The following DIP2A variants were observed in gnomAD, a reference collection of about 807,000 sequenced individuals.
DIP2A encodes the protein DIP2 acetate--CoA ligase A.
A neutral mutation model predicts 177.4 loss-of-function variants in DIP2A; 85 were observed. The ratio of observed to expected loss-of-function variants is 0.48; its 90% CI spans 0.40 to 0.57. The LOEUF (loss-of-function observed/expected upper bound fraction) is 0.57. Ranked by LOEUF, DIP2A falls within the 20% of genes least tolerant of loss-of-function variation. The pLI, the probability that DIP2A is intolerant of heterozygous loss-of-function variation, is 0.00. For missense variants in DIP2A, 1,791 were observed against 2,100.2 expected (o/e 0.85, Z 2.88); for synonymous variants, 886 against 881.8 (o/e 1.00, Z -0.08).
downstream of DIP2A, among the ~76,000 whole-genome samples, chr21:46,572,586 G>C (rs1035348583): frequency 4.6e-5 from 7 of 152,162 alleles, no homozygotes; most frequent in African/African-American, 1.4e-4. Flanking sequence ...ATGAAGACCT[G>C]AGCTAGCATG....
intron 32 of DIP2A, among the ~76,000 whole-genome samples, chr21:46,560,513 A>G (rs1362265554): frequency 2.0e-5 from 3 of 152,228 alleles, no homozygotes; most frequent in South Asian, 2.1e-4. Context: ...TTCGCTCAAT[A>G]TTATCAAGCT....
At chr21:46,508,253 G>A (rs532205101) in intron 6 of DIP2A, among the ~76,000 whole-genome samples, 1 of 151,012 alleles carries the variant, frequency 6.6e-6, no homozygotes, top group South Asian at 2.1e-4. Flanking sequence ...TGTTGACCAG[G>A]CTAGTCTTAA....
At position 46,504,410 on chromosome 21, in the gene DIP2A, G is replaced by A. The variant is rs964577238; in HGVS notation, c.705G>A (p.Ser235=). The change falls in exon 6 of 38, where the codon TCG becomes TCA. Residue 235 remains serine (S), a synonymous_variant. Transcript: ENST00000417564. ...TCACCACGGGCCTCGTGGAGCATTCGTACTTTGAGCGTCCACAGGTGGCTT... is the reference window on the plus strand; with the variant it reads ...TCACCACGGGCCTCGTGGAGCATTCATACTTTGAGCGTCCACAGGTGGCTT... ...PDVTTGLVEH[S]YFERPQVASV... The A allele has an allele frequency of 1.2e-5, 20 of 1,613,710 alleles. No individual in the cohort carries two copies. Among genetic ancestry groups the A allele is most frequent in the Non-Finnish European group, 1.5e-5 (18 of 1,179,846 alleles).
intron 8 of DIP2A, among the ~76,000 whole-genome samples, chr21:46,522,589 C>T (rs371009431): frequency 2.0e-4 from 30 of 152,200 alleles, no homozygotes; most frequent in African/African-American, 7.2e-4. Flanking sequence ...GCATGCTTCT[C>T]TGATCCAAAC....
intron 8 of DIP2A, 146 bp downstream of exon 8, chr21:46,511,760 C>T (rs1412547950): frequency 1.3e-5 from 11 of 852,748 alleles, no homozygotes; most frequent in Middle Eastern, 3.7e-4. Flanking sequence ...ATACCAGGTA[C>T]CCATCCCACC....
chr21:46,459,265 C>G, intron 1 of DIP2A, 43 bp downstream of exon 1: 2 of 1,468,540 alleles, frequency 1.4e-6, no homozygotes, highest in Non-Finnish European at 1.8e-6. Flanking sequence ...CCGCCCTCAG[C>G]CCGGTCCCCC....
Position 46,511,521 on chromosome 21 carries a change from G to A in DIP2A, c.1009G>A (p.Ala337Thr). 1 of 1,612,354 alleles carries A rather than the reference G, an allele frequency of 6.2e-7. No individual in the cohort carries two copies. The highest frequency in any genetic ancestry group is 8.5e-7 in the Non-Finnish European group (1 of 1,179,294). ...AGVPRPPSLL[A>T]TLQRWGTTQP... ...TGTCCCCCGACCGCCGTCGCTGTTG[G>A]CCACCTTGCAGCGCTGGGGCACAAC... is the stretch of plus-strand genomic sequence containing the variant. The change falls in exon 8 of 38, where the codon GCC becomes ACC. Residue 337 changes from alanine to threonine, a missense_variant. Ala to Thr is a moderately conservative substitution (Grantham distance 58, BLOSUM62 0). Transcript: ENST00000417564.
rs1434382865 is a variant in DIP2A, at chr21:46,509,451, T to G, written c.904+75T>G. 1.4e-5 allele frequency: 21 copies of G among 1,527,142 alleles called. No individual in the cohort carries two copies. In the East Asian group the frequency reaches 4.8e-4, roughly 35 times the overall value. 94.6% of individuals were successfully genotyped at this position (1,527,142 alleles called of 1,614,324 possible). A position where few individuals can be genotyped will look rare whatever the true frequency, so the allele number is the denominator to read the frequency against. On this transcript the variant is annotated intron_variant, in intron 7 of 37. Coordinates refer to ENST00000417564, the MANE Select transcript of DIP2A (RefSeq NM_015151.4). ...CACGAAGTTGAGAAACACAGGCAAA[T>G]GTATATTATACATGGATATTGCTAT... is the stretch of plus-strand genomic sequence containing the variant.
chr21:46,498,808 A>G lies in DIP2A; in HGVS notation c.630A>G (p.Ala210=), dbSNP rs752651927. Residue 210 remains alanine, a synonymous_variant, in exon 5 of 38, where the codon GCA becomes GCG. Coordinates refer to ENST00000417564, the MANE Select transcript of DIP2A (RefSeq NM_015151.4). The surrounding 1 kb of genome is among the most constrained non-coding windows in gnomAD (Gnocchi z 4.3). ...TPGAAATTAL[A]GLEAHTHIDL... is the part of the protein sequence containing the mutation. ...GGGCCGCCGCTACCACTGCACTCGCAGGCCTCGAGGCCCACACCCACATAG... is the reference window on the plus strand; with the variant it reads ...GGGCCGCCGCTACCACTGCACTCGCGGGCCTCGAGGCCCACACCCACATAG... 9.9e-6 allele frequency: 16 copies of G among 1,613,446 alleles called. No individual in the cohort carries two copies. Among genetic ancestry groups the G allele is most frequent in the Admixed American group, 3.3e-5 (2 of 59,976 alleles).
Position 46,563,450 on chromosome 21 carries a change from G to T in DIP2A, c.4090-408G>T, listed in dbSNP as rs952100508. The stretch of plus-strand genomic sequence containing the variant: ...TGGACTGACTCGGAGTCACGGGCAG[G>T]AAGAACTTCCTCATGGTCAGGTTCC... On this transcript the variant is annotated intron_variant, in intron 34 of 37. Coordinates refer to ENST00000417564, the MANE Select transcript of DIP2A (RefSeq NM_015151.4). The surrounding 1 kb of genome is among the most constrained non-coding windows in gnomAD (Gnocchi z 4.3). 6.6e-6 allele frequency among the ~76,000 whole-genome samples: 1 copy of T among 152,184 alleles called. No homozygotes were observed. The highest frequency in any genetic ancestry group is 2.4e-5 in the African/African-American group (1 of 41,450).
At chr21:46,461,695 A>G (rs1013498458) in intron 1 of DIP2A, among the ~76,000 whole-genome samples, 12 of 152,232 alleles carry the variant, frequency 7.9e-5, no homozygotes. Flanking sequence ...ATAGGTAAGT[A>G]AAGGTATAAG....
At position 46,549,954 on chromosome 21, in the gene DIP2A, G is replaced by A. The variant is rs542200717; in HGVS notation, c.2637+69G>A. ...CTGGCACCCCCACTCCACTCCAAGTGCCAAGTGGTTGGCTTGTCCCGCCCG... is the reference window on the plus strand; with the variant it reads ...CTGGCACCCCCACTCCACTCCAAGTACCAAGTGGTTGGCTTGTCCCGCCCG... On this transcript the variant is annotated intron_variant, in intron 22 of 37. Transcript: ENST00000417564. The A allele has an allele frequency of 2.5e-6, 4 of 1,594,780 alleles. No individual in the cohort carries two copies. The African/African-American group carries it at 4.0e-5, about 16-fold the overall frequency.
At chr21:46,471,959 A>G (rs1250408406) in intron 1 of DIP2A, among the ~76,000 whole-genome samples, 1 of 152,274 alleles carries the variant, frequency 6.6e-6, no homozygotes, top group Non-Finnish European at 1.5e-5. Flanking sequence ...TTCAGATTTT[A>G]GAACTTTTTC....
chr21:46,486,591 A>C (rs1372267261), intron 2 of DIP2A, among the ~76,000 whole-genome samples: 1 of 152,248 alleles, frequency 6.6e-6, no homozygotes, highest in Non-Finnish European at 1.5e-5. Context: ...AGGTTATTTC[A>C]TAAGAGGAAA....
chr21:46,520,205 T>C (rs1457105473), intron 8 of DIP2A, among the ~76,000 whole-genome samples: 1 of 152,174 alleles, frequency 6.6e-6, no homozygotes, highest in Non-Finnish European at 1.5e-5. Flanking sequence ...CCATCTCTCT[T>C]GTTTCTCTCT....
At position 46,558,265 on chromosome 21, in the gene DIP2A, G is replaced by T; in HGVS notation, c.3841G>T (p.Val1281Phe). 1 of 1,612,784 alleles carries T rather than the reference G, an allele frequency of 6.2e-7. No homozygotes were observed. The highest frequency in any genetic ancestry group is 8.5e-7 in the Non-Finnish European group (1 of 1,179,816). The change falls in exon 32 of 38, where the codon GTC (valine) becomes TTC (phenylalanine). Residue 1281 changes from valine to phenylalanine, a missense_variant. Coordinates refer to ENST00000417564, the MANE Select transcript of DIP2A (RefSeq NM_015151.4). Reference protein sequence around the residue: ...NLSCVRTCMVVAEERPRIALT... With the variant: ...NLSCVRTCMVFAEERPRIALT... The stretch of plus-strand genomic sequence containing the variant: ...GTCATGTGTGCGCACGTGCATGGTG[G>T]TCGCCGAGGAGCGGCCCAGGATTGC...
chr21:46,530,422 GAC>G (rs1175585229), intron 9 of DIP2A, among the ~76,000 whole-genome samples: 1 of 152,134 alleles, frequency 6.6e-6, no homozygotes, highest in Non-Finnish European at 1.5e-5. Flanking sequence ...GTGAGAAAGA[GAC>G]AAGAAAAGTA....
chr21:46,475,340 G>A (rs2055752482), intron 1 of DIP2A, among the ~76,000 whole-genome samples: 1 of 152,146 alleles, frequency 6.6e-6, no homozygotes. Flanking sequence ...TTAGCCAAGA[G>A]CTATATTTTT....
At chr21:46,558,167 G>T in intron 31 of DIP2A, 56 bp from the exon 32 acceptor site, 1 of 1,539,736 alleles carries the variant, frequency 6.5e-7, no homozygotes. Context: ...CAGTGCCCAG[G>T]GCCCTGGCAA....
Sources: gnomAD v4.1 joint callset for allele counts (sites outside exome capture counted in the v4.1 genomes callset) on GRCh38, gnomAD v4.1.1 for gene constraint, Gnocchi (gnomAD v3.1) non-coding constraint, MANE v1.5 for transcripts, NCBI Gene and HGNC (gene_info 2026-07-23, HGNC 2026-07-21) for gene names.